The following ROBO2 variants were observed in gnomAD, a reference collection of about 807,000 sequenced individuals.
ROBO2 encodes the protein roundabout homolog 2.
ROBO2 carries 53 observed loss-of-function variants against 160.8 expected under a neutral mutation model. That is an observed-to-expected ratio of 0.33 (90% CI 0.26 to 0.41). The LOEUF is 0.41. Ranked by LOEUF, ROBO2 falls within the 10% of genes least tolerant of loss-of-function variation. ROBO2 has a pLI of 1.00. For missense variants in ROBO2, 1,577 were observed against 1,722.4 expected, an observed-to-expected ratio of 0.92 and a Z score of 1.49; for synonymous variants, 664 against 611.7, an observed-to-expected ratio of 1.09 and a Z score of -1.26.
chr3:77,382,944 AAAATACT>A (rs995677824), intron 2 of ROBO2, among the ~76,000 whole-genome samples: 1 of 152,170 alleles, frequency 6.6e-6, no homozygotes, highest in African/African-American at 2.4e-5. Context: ...ACATGCCAAC[AAAATACT>A]TTTTTTTAAT....
chr3:77,423,441 A>T (rs924690951), intron 2 of ROBO2, among the ~76,000 whole-genome samples: 6 of 152,246 alleles, frequency 3.9e-5, no homozygotes, highest in African/African-American at 1.4e-4. Flanking sequence ...TATTAAGGTT[A>T]TACTAGGTTG....
chr3:76,936,229 C>G (rs1489879370), intron 2 of ROBO2, among the ~76,000 whole-genome samples: 1 of 151,726 alleles, frequency 6.6e-6, no homozygotes, highest in Non-Finnish European at 1.5e-5. Context: ...GATGTATTTG[C>G]CAGGACAGAG....
intron 6 of ROBO2, among the ~76,000 whole-genome samples, chr3:77,545,864 T>G (rs964354662): frequency 6.6e-6 from 1 of 152,060 alleles, no homozygotes; most frequent in Non-Finnish European, 1.5e-5. Context: ...AGAATAGGGG[T>G]CATATTTTAT....
chr3:76,257,042 C>A (rs555136185), intron 2 of ROBO2, among the ~76,000 whole-genome samples: 1 of 152,044 alleles, frequency 6.6e-6, no homozygotes, highest in East Asian at 1.9e-4. Flanking sequence ...CCAAGCCCCT[C>A]GGCCCAGCCC....
chr3:77,356,678 G>A (rs2153463203), intron 2 of ROBO2, among the ~76,000 whole-genome samples: 1 of 152,252 alleles, frequency 6.6e-6, no homozygotes, highest in African/African-American at 2.4e-5. Flanking sequence ...ATACCCATTA[G>A]TAAACGGTTA....
In ROBO2 at chr3:76,128,038, G is replaced by A. The variant is rs190585092; in HGVS notation, c.109+190436G>A. On this transcript the variant is annotated intron_variant, in intron 2 of 26. Transcript: ENST00000487694. ...AGCCTCCTGAGTAGCTGGGACTACA[G>A]GCGCCCACCACCATGCCCAGCTAAT... 6.4e-3 allele frequency among the ~76,000 whole-genome samples: 969 copies of A among 151,674 alleles called. 11 individuals are homozygous for A. Among genetic ancestry groups the A allele is most frequent in the African/African-American group, 0.023 (940 of 41,382 alleles).
chr3:76,247,975 A>C (rs1486019061), intron 2 of ROBO2, among the ~76,000 whole-genome samples: 5 of 151,726 alleles, frequency 3.3e-5, no homozygotes, highest in African/African-American at 7.3e-5. Flanking sequence ...GGCAATCATT[A>C]AAAAGTCAGG....
chr3:75,989,220 C>A (rs868107674), intron 2 of ROBO2, among the ~76,000 whole-genome samples: 2 of 152,010 alleles, frequency 1.3e-5, no homozygotes, highest in African/African-American at 4.8e-5. Flanking sequence ...CAGGTTCAAG[C>A]AATTCTCCTG....
At chr3:77,109,998 T>C (rs185017491) in intron 2 of ROBO2, among the ~76,000 whole-genome samples, 17 of 152,358 alleles carry the variant, frequency 1.1e-4, no homozygotes, top group Admixed American at 1.0e-3. Context: ...TCCTGGGATA[T>C]GACGGAAAGA....
At chr3:76,396,885 A>G (rs2108707429) in intron 2 of ROBO2, among the ~76,000 whole-genome samples, 1 of 152,314 alleles carries the variant, frequency 6.6e-6, no homozygotes, top group Admixed American at 6.5e-5. Context: ...TATTGTGGAA[A>G]TGGCCATACT....
chr3:77,156,962 G>A (rs1429872760), intron 2 of ROBO2, among the ~76,000 whole-genome samples: 2 of 151,900 alleles, frequency 1.3e-5, no homozygotes, highest in African/African-American at 4.8e-5. Flanking sequence ...CGGGAACTTG[G>A]TAGAAATACA....
At chr3:76,923,803 T>A (rs532837237) in intron 2 of ROBO2, among the ~76,000 whole-genome samples, 3 of 152,254 alleles carry the variant, frequency 2.0e-5, no homozygotes, top group Non-Finnish European at 4.4e-5. Context: ...CAACTTACCC[T>A]TTCTTTCTGT....
At chr3:76,399,881 G>T (rs1198860116) in intron 2 of ROBO2, among the ~76,000 whole-genome samples, 3 of 151,690 alleles carry the variant, frequency 2.0e-5, no homozygotes, top group Non-Finnish European at 4.4e-5. Flanking sequence ...ATACCATATA[G>T]TAGATACAGT....
rs527906135 is a variant in ROBO2 at position 76,719,526 on chromosome 3, A to T, written c.110-378488A>T. Among the ~76,000 whole-genome samples the T allele has an allele frequency of 1.5e-4, 23 of 152,282 alleles. No homozygotes were observed. The South Asian group carries it at 4.6e-3, about 30-fold the overall frequency. ...ACCCCTATATAATTTAAAGTAAAAA[A>T]ATCCATCTGAAATACATATCATTAA... On this transcript the variant is annotated intron_variant, in intron 2 of 26. Transcript: ENST00000487694.
chr3:75,922,950 T>C (rs192531542), intron 1 of ROBO2, among the ~76,000 whole-genome samples: 2 of 152,340 alleles, frequency 1.3e-5, no homozygotes, highest in Admixed American at 1.3e-4. Flanking sequence ...TTTAAACTTT[T>C]GCATTCTCAA....
At chr3:77,644,633 T>C in intron 24 of ROBO2, 71 bp from the exon 27 acceptor site, 1 of 1,340,412 alleles carries the variant, frequency 7.5e-7, no homozygotes, top group Non-Finnish European at 1.1e-6. Flanking sequence ...CAGTGTTATA[T>C]TCAAGAGTTA....
chr3:77,415,383 G>T (rs2153526699), intron 2 of ROBO2, among the ~76,000 whole-genome samples: 1 of 152,330 alleles, frequency 6.6e-6, no homozygotes, highest in Middle Eastern at 3.4e-3. Flanking sequence ...GTTTTGGAGA[G>T]AAATGTAGTA....
chr3:76,589,456 C>T (rs1449309376), intron 2 of ROBO2, among the ~76,000 whole-genome samples: 1 of 152,096 alleles, frequency 6.6e-6, no homozygotes, highest in East Asian at 1.9e-4. Flanking sequence ...GCCGCCACCA[C>T]GCCCGGCTAA....
At chr3:77,011,810 T>C (rs1293729898) in intron 2 of ROBO2, among the ~76,000 whole-genome samples, 2 of 152,144 alleles carry the variant, frequency 1.3e-5, no homozygotes, top group African/African-American at 4.8e-5. Context: ...ATCTATTTCC[T>C]GGTGAGACCT....
Sources: allele counts gnomAD v4.1 joint callset (sites outside exome capture counted in the v4.1 genomes callset), GRCh38; gene constraint gnomAD v4.1.1; transcripts MANE v1.5; gene names NCBI Gene and HGNC (gene_info 2026-07-23, HGNC 2026-07-21).